ABI3BP: variants seen among roughly 807,000 people sequenced by gnomAD.
ABI3BP encodes the protein ABI family member 3 binding protein.
In ABI3BP, 216 loss-of-function variants were observed where a neutral mutation model predicts 268.6. The ratio of observed to expected loss-of-function variants is 0.80; its 90% CI spans 0.72 to 0.90. The LOEUF is 0.90. Ranked by LOEUF, ABI3BP falls within the 40% of genes least tolerant of loss-of-function variation. The probability of loss-of-function intolerance (pLI) is 0.00; values close to 1 mark genes in which losing one functional copy is unlikely to be tolerated. For missense variants in ABI3BP, 2,090 were observed against 2,182.4 expected, an observed-to-expected ratio of 0.96 and a Z score of 0.84; for synonymous variants, 730 against 730.0, an observed-to-expected ratio of 1.00 and a Z score of 0.00.
At chr3:100,758,145 G>A (rs1441034532) in intron 63 of ABI3BP, among the ~76,000 whole-genome samples, 1 of 151,920 alleles carries the variant, frequency 6.6e-6, no homozygotes, top group Non-Finnish European at 1.5e-5. Flanking sequence ...ATCCCCATCA[G>A]GAGGCAGCAT....
At chr3:100,857,709 T>C (rs1039773017) in intron 14 of ABI3BP, among the ~76,000 whole-genome samples, 1 of 152,232 alleles carries the variant, frequency 6.6e-6, no homozygotes, top group African/African-American at 2.4e-5. Context: ...AATAATATAT[T>C]AGGAAAGAAA....
chr3:100,779,051 C>T (rs758399878), intron 58 of ABI3BP, among the ~76,000 whole-genome samples: 98 of 152,196 alleles, frequency 6.4e-4, no homozygotes, highest in Non-Finnish European at 1.1e-3. Flanking sequence ...TTTGAGCCTA[C>T]AATTTCTTAT....
At chr3:100,882,885 G>T (rs2040094897) in intron 6 of ABI3BP, among the ~76,000 whole-genome samples, 1 of 152,106 alleles carries the variant, frequency 6.6e-6, no homozygotes, top group African/African-American at 2.4e-5. Context: ...AAGAGGGTAG[G>T]AGACAATGTA....
In ABI3BP at chr3:100,812,697, T is replaced by A. The variant is rs547697519; in HGVS notation, c.3365-174A>T. On this transcript the variant is annotated intron_variant, in intron 45 of 67. Coordinates refer to ENST00000471714, the MANE Select transcript of ABI3BP (RefSeq NM_001375547.2). ...TTCACAACATGATAACTACTGTACG[T>A]TACCATTAACAACCTACTTTGTACA... is the stretch of plus-strand genomic sequence containing the variant. 4.6e-5 allele frequency among the ~76,000 whole-genome samples: 7 copies of A among 152,180 alleles called. No homozygotes were observed. The East Asian group carries it at 1.4e-3, about 29-fold the overall frequency.
At chr3:100,786,970 C>T (rs946849214) in intron 57 of ABI3BP, among the ~76,000 whole-genome samples, 10 of 151,888 alleles carry the variant, frequency 6.6e-5, no homozygotes, top group South Asian at 2.1e-4. Flanking sequence ...ATTAGAGAAC[C>T]GTCATGGGTT....
chr3:100,918,846 C>T (rs2059431090), intron 2 of ABI3BP, among the ~76,000 whole-genome samples: 1 of 152,200 alleles, frequency 6.6e-6, no homozygotes, highest in South Asian at 2.1e-4. Flanking sequence ...GGCAGTAGAA[C>T]ACAGTGGTTC....
intron 50 of ABI3BP, among the ~76,000 whole-genome samples, chr3:100,807,107 T>C (rs903977882): frequency 3.3e-5 from 5 of 152,048 alleles, no homozygotes; most frequent in African/African-American, 1.2e-4. Context: ...ATTTGTTTTC[T>C]ACTTTTGTTC....
intron 1 of ABI3BP, among the ~76,000 whole-genome samples, chr3:100,929,596 C>T (rs62273927): frequency 0.1 from 15,697 of 152,042 alleles, 1,097 homozygotes; most frequent in Non-Finnish European, 0.15. Flanking sequence ...ATTTTAAGAC[C>T]ATTACCTGAG....
In ABI3BP at chr3:100,770,786, A is replaced by G; in HGVS notation, c.4698T>C (p.Phe1566=). ...TVVTVEGCPS[F]VILDWEKPLN... ...GTGGCTTTTCCCAGTCCAAGATGAC[A>G]AATGAGGGGCACCCTTCCACGGTGA... The change falls in exon 62 of 68, where the codon TTT becomes TTC. Residue 1566 remains phenylalanine, a synonymous_variant. Coordinates refer to ENST00000471714, the MANE Select transcript of ABI3BP (RefSeq NM_001375547.2). 1 of 1,563,820 alleles carries G rather than the reference A, an allele frequency of 6.4e-7. No individual in the cohort carries two copies. Among genetic ancestry groups the G allele is most frequent in the African/African-American group, 1.4e-5 (1 of 73,382 alleles).
chr3:100,758,222 T>C (rs1284383126), intron 63 of ABI3BP, among the ~76,000 whole-genome samples: 1 of 152,208 alleles, frequency 6.6e-6, no homozygotes, highest in African/African-American at 2.4e-5. Context: ...AATGTGTGAC[T>C]TTAAGGTAAC....
chr3:100,820,339 G>A (rs772463884), intron 39 of ABI3BP, 36 bp from the exon 40 acceptor site: 19 of 1,490,518 alleles, frequency 1.3e-5, no homozygotes, highest in Middle Eastern at 1.7e-4. Context: ...TACAGAGTCC[G>A]TAGCTCCGAA....
intron 55 of ABI3BP, among the ~76,000 whole-genome samples, chr3:100,792,085 G>A (rs2097210906): frequency 6.6e-6 from 1 of 151,804 alleles, no homozygotes; most frequent in Non-Finnish European, 1.5e-5. Context: ...AGTGTAAAGA[G>A]GAAAAGACTT....
At chr3:100,880,371 C>T (rs1021381645) in intron 6 of ABI3BP, among the ~76,000 whole-genome samples, 1 of 152,176 alleles carries the variant, frequency 6.6e-6, no homozygotes, top group Non-Finnish European at 1.5e-5. Context: ...AAACCTCTAC[C>T]GCTTCTTCCT....
chr3:100,813,493 A>G lies in ABI3BP; in HGVS notation c.3364+168T>C, dbSNP rs534653368. On this transcript the variant is annotated intron_variant, in intron 45 of 67. Coordinates refer to ENST00000471714, the MANE Select transcript of ABI3BP (RefSeq NM_001375547.2). ...TACATTCAAATAGTAATATTAATGT[A>G]TTACTAATTTAACAATATGGAATCA... Among the ~76,000 whole-genome samples the G allele has an allele frequency of 3.3e-5, 5 of 152,332 alleles. No homozygotes were observed. In the South Asian group the frequency reaches 6.2e-4, roughly 19 times the overall value.
At chr3:100,837,463 T>TA (rs2098613874) in intron 26 of ABI3BP, 1 of 272,382 alleles carries the variant, frequency 3.7e-6, no homozygotes, top group African/African-American at 2.2e-5. Flanking sequence ...AGTTACTGTT[T>TA]AAAATGTTGG....
At chr3:100,780,254 G>A in intron 57 of ABI3BP, 45 bp from the exon 58 acceptor site, 1 of 1,581,826 alleles carries the variant, frequency 6.3e-7, no homozygotes. Context: ...TAGCAAAAAT[G>A]TTCCATGGAA....
intron 41 of ABI3BP, among the ~76,000 whole-genome samples, 164 bp downstream of exon 41, chr3:100,818,361 C>T (rs568529821): frequency 6.6e-6 from 1 of 152,182 alleles, no homozygotes; most frequent in African/African-American, 2.4e-5. Flanking sequence ...CTCTCAAATT[C>T]AGCTGATAAT....
chr3:100,962,337 A>G (rs1352547489), intron 1 of ABI3BP, among the ~76,000 whole-genome samples: 4 of 152,130 alleles, frequency 2.6e-5, no homozygotes, highest in African/African-American at 7.2e-5. Flanking sequence ...TACTCTGTCT[A>G]TACTCTACAT....
At chr3:100,985,368 C>T (rs931914968) in intron 1 of ABI3BP, among the ~76,000 whole-genome samples, 15 of 151,860 alleles carry the variant, frequency 9.9e-5, no homozygotes, top group African/African-American at 3.4e-4. Context: ...CCAGGATGGT[C>T]TCGATCCCCT....
Sources: gnomAD v4.1 joint callset for allele counts (sites outside exome capture counted in the v4.1 genomes callset) on GRCh38, gnomAD v4.1.1 for gene constraint, MANE v1.5 for transcripts, NCBI Gene and HGNC (gene_info 2026-07-23, HGNC 2026-07-21) for gene names.